Variants in GSE1 observed in about 807,000 individuals in gnomAD.
GSE1 encodes Gse1 coiled-coil protein, also known as genetic suppressor element 1.
GSE1 carries 32 observed loss-of-function variants against 112.6 expected under a neutral mutation model. The ratio of observed to expected loss-of-function variants is 0.28; its 90% confidence interval spans 0.21 to 0.38. The LOEUF (loss-of-function observed/expected upper bound fraction) is 0.38. GSE1 is among the 10% of genes least tolerant of loss of function. The pLI, the probability that GSE1 is intolerant of heterozygous loss-of-function variation, is 1.00. For synonymous variants in GSE1, 1,115 were observed against 735.6 expected (o/e 1.52, Z -8.35); for missense variants, 2,348 against 1,699.2 (o/e 1.38, Z -6.71).
intron 1 of GSE1, among the ~76,000 whole-genome samples, chr16:85,182,936 G>A (rs956601393): frequency 1.3e-5 from 2 of 151,888 alleles, no homozygotes; most frequent in African/African-American, 4.8e-5. Context: ...CCTGCACCAC[G>A]CTCGCACACT....
At chr16:85,636,544 C>G (rs148924159) in intron 2 of GSE1, among the ~76,000 whole-genome samples, 1 of 152,216 alleles carries the variant, frequency 6.6e-6, no homozygotes, top group Non-Finnish European at 1.5e-5. Flanking sequence ...CCTGACCTCA[C>G]GTTTCCCCGT....
At position 85,669,725 on chromosome 16, in the gene GSE1, C is replaced by T. The variant is rs1300783855; in HGVS notation, c.3416-1270C>T. 1.3e-5 allele frequency among the ~76,000 whole-genome samples: 2 copies of T among 152,244 alleles called. 1 individual carries two copies. The highest frequency in any genetic ancestry group is 4.1e-4 in the South Asian group (2 of 4,826). ...TCAGGCTATTCTTCTGTATTTTCTT[C>T]TGTGAGTTTGGCTTTTTCCTGTTCT... On this transcript the variant is annotated intron_variant, in intron 14 of 15. Coordinates refer to ENST00000253458, the MANE Select transcript of GSE1 (RefSeq NM_014615.5).
At chr16:85,347,663 G>A (rs1264599035) in intron 1 of GSE1, among the ~76,000 whole-genome samples, 1 of 151,122 alleles carries the variant, frequency 6.6e-6, no homozygotes, top group Non-Finnish European at 1.5e-5. Flanking sequence ...CCATATAATG[G>A]GACACACAGT....
At chr16:85,659,684 A>C (rs1005301243) in intron 8 of GSE1, 1 of 152,260 alleles carries the variant, frequency 6.6e-6, no homozygotes, top group Non-Finnish European at 1.5e-5. Flanking sequence ...CTTAAAAATA[A>C]GCTGGAAAAA....
chr16:85,642,673 C>T, intron 2 of GSE1, among the ~76,000 whole-genome samples: 1 of 152,246 alleles, frequency 6.6e-6, no homozygotes, highest in East Asian at 1.9e-4. Context: ...CAGGGACCCT[C>T]TTTAGGGAAG....
intron 2 of GSE1, among the ~76,000 whole-genome samples, chr16:85,499,553 G>A (rs866544805): frequency 3.3e-5 from 5 of 151,986 alleles, no homozygotes; most frequent in East Asian, 3.9e-4. Context: ...TGATCCGCCC[G>A]CCTCAGCCTC....
At chr16:85,672,354 G>C (rs2053422154) in intron 15 of GSE1, 51 bp from the exon 16 acceptor site, 1 of 1,455,360 alleles carries the variant, frequency 6.9e-7, no homozygotes, top group Non-Finnish European at 9.6e-7. Context: ...CTACATGCTT[G>C]TCCTTACAGA....
At chr16:85,391,259 A>G (rs2047832706) in intron 2 of GSE1, among the ~76,000 whole-genome samples, 1 of 152,260 alleles carries the variant, frequency 6.6e-6, no homozygotes, top group African/African-American at 2.4e-5. Flanking sequence ...GCATTAATGC[A>G]TGTCCCACGC....
At position 85,305,266 on chromosome 16, in the gene GSE1, A is replaced by T. The variant is rs565495553; in HGVS notation, c.2284-52197A>T. Among the ~76,000 whole-genome samples, 69 of 152,264 alleles carry T rather than the reference A, an allele frequency of 4.5e-4. 1 individual carries two copies. The South Asian group carries it at 0.014, about 32-fold the overall frequency. On this transcript the variant is annotated intron_variant, in intron 1 of 2. Transcript: ENST00000637419. ...GCGAAGCTAGAATCTCTGACGATGG[A>T]CCCTGGGCATCAGGATGATGATGAT...
chr16:85,224,403 T>G (rs11643552), intron 1 of GSE1, among the ~76,000 whole-genome samples: 76,301 of 149,220 alleles, frequency 0.51, 19,592 homozygotes, highest in South Asian at 0.57. Context: ...TGGCAGCTGA[T>G]AAACTAATAT....
chr16:85,443,059 C>T (rs2049419039), intron 2 of GSE1, among the ~76,000 whole-genome samples: 2 of 152,242 alleles, frequency 1.3e-5, no homozygotes, highest in South Asian at 4.1e-4. Context: ...GCCCACCCTA[C>T]AGTGGCATGG....
intron 1 of GSE1, among the ~76,000 whole-genome samples, chr16:85,572,118 GCACA>G (rs369085604): frequency 2.0e-5 from 2 of 100,122 alleles, no homozygotes; most frequent in African/African-American, 3.9e-5. Context: ...CACACACAAC[GCACA>G]CACACACACC....
chr16:85,255,439 T>C (rs1341701941), intron 1 of GSE1, among the ~76,000 whole-genome samples: 1 of 142,788 alleles, frequency 7.0e-6, no homozygotes, highest in Non-Finnish European at 1.5e-5. Context: ...TGAGACGGAG[T>C]CTTGCTCTGT....
At chr16:85,543,245 C>T (rs957852023) in intron 2 of GSE1, among the ~76,000 whole-genome samples, 4 of 151,292 alleles carry the variant, frequency 2.6e-5, no homozygotes, top group Non-Finnish European at 5.9e-5. Context: ...CTTTGCCTTG[C>T]TTTTCCCAAA....
intron 2 of GSE1, among the ~76,000 whole-genome samples, chr16:85,412,658 T>C (rs2048598831): frequency 1.8e-5 from 1 of 55,248 alleles, no homozygotes; most frequent in Non-Finnish European, 3.6e-5. Flanking sequence ...ACCGTTACAC[T>C]CAGGGCCCCC....
At chr16:85,299,584 C>T (rs1377543558) in intron 1 of GSE1, among the ~76,000 whole-genome samples, 1 of 152,210 alleles carries the variant, frequency 6.6e-6, no homozygotes, top group African/African-American at 2.4e-5. Context: ...GAGCCCTCTG[C>T]CTACTCCGTT....
intron 1 of GSE1, among the ~76,000 whole-genome samples, chr16:85,222,948 A>G (rs2075419487): frequency 6.6e-6 from 1 of 152,220 alleles, no homozygotes; most frequent in Admixed American, 6.5e-5. Context: ...TGTCTGCTAT[A>G]TATCCAAAAA....
chr16:85,491,703 G>C (rs1021839228), intron 2 of GSE1, among the ~76,000 whole-genome samples: 10 of 151,796 alleles, frequency 6.6e-5, no homozygotes, highest in African/African-American at 2.4e-4. Flanking sequence ...TTTCAGGAAG[G>C]GGCAGCTGGT....
intron 1 of GSE1, among the ~76,000 whole-genome samples, chr16:85,624,851 C>T (rs1265002968): frequency 6.6e-6 from 1 of 152,344 alleles, no homozygotes; most frequent in South Asian, 2.1e-4. Context: ...GGCGGAGGGG[C>T]TGGGAATCGG....
Sources: gnomAD v4.1 joint callset for allele counts (sites outside exome capture counted in the v4.1 genomes callset) on GRCh38, gnomAD v4.1.1 for gene constraint, MANE v1.5 for transcripts, NCBI Gene and HGNC (gene_info 2026-07-23, HGNC 2026-07-21) for gene names.